The following SESTD1 variants were observed in gnomAD, a reference collection of about 807,000 sequenced individuals.
SESTD1 encodes the protein SEC14 domain and spectrin repeat-containing protein 1.
A neutral mutation model predicts 101.7 loss-of-function variants in SESTD1; 43 were observed. That is an observed-to-expected ratio of 0.42 (90% CI 0.33 to 0.55). SESTD1 has a LOEUF of 0.55. Among genes scored for constraint, SESTD1 ranks in the 20% least tolerant of loss-of-function variants. The pLI, the probability that SESTD1 is intolerant of heterozygous loss-of-function variation, is 0.07. For missense variants in SESTD1, 647 were observed against 815.1 expected, an observed-to-expected ratio of 0.79 and a Z score of 2.51; for synonymous variants, 283 against 286.8, an observed-to-expected ratio of 0.99 and a Z score of 0.13.
chr2:179,223,557 A>G (rs572499129), intron 1 of SESTD1, among the ~76,000 whole-genome samples: 1 of 152,284 alleles, frequency 6.6e-6, no homozygotes, highest in South Asian at 2.1e-4. Context: ...ACTAAAAAAA[A>G]AAAAGTAAGC....
Position 179,147,949 on chromosome 2 carries a change from A to G in SESTD1, c.581+1348T>C, listed in dbSNP as rs182455341. Among the ~76,000 whole-genome samples the G allele has an allele frequency of 3.3e-5, 5 of 152,352 alleles. No homozygotes were observed. In the East Asian group the frequency reaches 5.8e-4, roughly 18 times the overall value. Reference sequence around the variant, plus strand: ...ATTTTCACTTCCTAAACCACAGCATATATGTGTGTGATATCTACAGACACA... The same window carrying G: ...ATTTTCACTTCCTAAACCACAGCATGTATGTGTGTGATATCTACAGACACA... On this transcript the variant is annotated intron_variant, in intron 7 of 17. Transcript: ENST00000428443.
At chr2:179,167,009 T>A (rs1299264929) in intron 5 of SESTD1, among the ~76,000 whole-genome samples, 3 of 151,744 alleles carry the variant, frequency 2.0e-5, no homozygotes, top group Non-Finnish European at 2.9e-5. Flanking sequence ...CAATAAAAAA[T>A]AACAAGGCAC....
intron 1 of SESTD1, among the ~76,000 whole-genome samples, chr2:179,250,603 A>G (rs1344642757): frequency 1.3e-5 from 2 of 152,158 alleles, no homozygotes; most frequent in Non-Finnish European, 2.9e-5. Flanking sequence ...TTGTGTGCAC[A>G]TATCCCTGGT....
At position 179,191,762 on chromosome 2, in the gene SESTD1, T is replaced by C. The variant is rs965216818; in HGVS notation, c.55+25A>G. 9.4e-6 allele frequency: 15 copies of C among 1,599,878 alleles called. No individual in the cohort carries two copies. The African/African-American group carries it at 1.9e-4, about 20-fold the overall frequency. On this transcript the variant is annotated intron_variant, in intron 2 of 17. Coordinates refer to ENST00000428443, the MANE Select transcript of SESTD1 (RefSeq NM_178123.5). ...ATTAAAAAGTTTGTATATCAAACACTTCAAATTTTAAGAAGAAATCATACC... is the reference window on the plus strand; with the variant it reads ...ATTAAAAAGTTTGTATATCAAACACCTCAAATTTTAAGAAGAAATCATACC...
chr2:179,122,944 G>A (rs1338035510), intron 12 of SESTD1, among the ~76,000 whole-genome samples: 1 of 152,160 alleles, frequency 6.6e-6, no homozygotes, highest in Non-Finnish European at 1.5e-5. Flanking sequence ...GTCAGTACAA[G>A]TGTGATTTTT....
In SESTD1 at chr2:179,110,068, A is replaced by C. The variant is rs991974546; in HGVS notation, c.1962-40T>G. On this transcript the variant is annotated intron_variant, in intron 17 of 17. Transcript: ENST00000428443. ...ACACAGAAAAACCTCAGATTAATAC[A>C]AATCTATTAACTGCAGTGAATACAA... 11 of 1,604,120 alleles carry C rather than the reference A, an allele frequency of 6.9e-6. No individual in the cohort carries two copies. In the African/African-American group the frequency reaches 1.3e-4, roughly 20 times the overall value.
At chr2:179,111,865 A>G (rs891322424) in intron 17 of SESTD1, among the ~76,000 whole-genome samples, 3 of 151,606 alleles carry the variant, frequency 2.0e-5, no homozygotes, top group African/African-American at 7.3e-5. Flanking sequence ...GACTACAGGC[A>G]CCCGCCACCA....
intron 1 of SESTD1, among the ~76,000 whole-genome samples, chr2:179,220,029 C>CT (rs2046790592): frequency 6.6e-6 from 1 of 152,066 alleles, no homozygotes; most frequent in Non-Finnish European, 1.5e-5. Context: ...GCTAATCCAC[C>CT]TTAAGAGACA....
intron 1 of SESTD1, among the ~76,000 whole-genome samples, chr2:179,224,438 T>A (rs933335708): frequency 1.3e-5 from 2 of 152,190 alleles, no homozygotes; most frequent in African/African-American, 4.8e-5. Flanking sequence ...ATAAGAAATA[T>A]ACTCTGTATT....
At chr2:179,152,082 T>C (rs577161382) in intron 5 of SESTD1, among the ~76,000 whole-genome samples, 2 of 152,234 alleles carry the variant, frequency 1.3e-5, no homozygotes, top group East Asian at 1.9e-4. Flanking sequence ...AATACATCTA[T>C]GGAAGAAAGA....
chr2:179,114,455 T>TATC, intron 16 of SESTD1, among the ~76,000 whole-genome samples: 1 of 152,322 alleles, frequency 6.6e-6, no homozygotes, highest in Middle Eastern at 3.4e-3. Context: ...AAGGCTTGGG[T>TATC]AGAATAAATT....
rs1348894322 is a variant in SESTD1 at position 179,112,756 on chromosome 2, A to G, written c.1929T>C (p.Asp643=). The G allele has an allele frequency of 1.1e-5, 18 of 1,612,984 alleles. No individual in the cohort carries two copies. Among genetic ancestry groups the G allele is most frequent in the Non-Finnish European group, 1.5e-5 (18 of 1,179,982 alleles). The stretch of plus-strand genomic sequence containing the variant: ...GATAAACTACTGGAACAGTTAATCT[A>G]TCCAAAAGTGATTTCCCAACTGCTT... ...EIEAVGKSLL[D]RLTVPVVYPD... is the part of the protein sequence containing the mutation. The change falls in exon 17 of 18, where the codon GAT becomes GAC. Residue 643 remains aspartate, a synonymous_variant. Coordinates refer to ENST00000428443, the MANE Select transcript of SESTD1 (RefSeq NM_178123.5).
At chr2:179,117,075 G>A (rs371711832) in intron 14 of SESTD1, among the ~76,000 whole-genome samples, 9 of 152,076 alleles carry the variant, frequency 5.9e-5, no homozygotes, top group Admixed American at 2.0e-4. Flanking sequence ...AGATCCATCA[G>A]GATTGCATTA....
intron 1 of SESTD1, among the ~76,000 whole-genome samples, chr2:179,239,281 A>G (rs2105545362): frequency 6.6e-6 from 1 of 152,246 alleles, no homozygotes; most frequent in East Asian, 1.9e-4. Flanking sequence ...CTGTTATTTC[A>G]TATTGTCTAC....
At chr2:179,137,241 A>G (rs143560150) in intron 9 of SESTD1, among the ~76,000 whole-genome samples, 2 of 152,300 alleles carry the variant, frequency 1.3e-5, no homozygotes, top group African/African-American at 4.8e-5. Context: ...AAAAATATTT[A>G]CACTGGCCAA....
intron 12 of SESTD1, among the ~76,000 whole-genome samples, chr2:179,123,476 G>C (rs1281274725): frequency 6.6e-6 from 1 of 152,068 alleles, no homozygotes; most frequent in Admixed American, 6.6e-5. Flanking sequence ...AGATATAGCT[G>C]GGTAAACAGG....
chr2:179,115,582 T>TA (rs530531886), intron 15 of SESTD1, among the ~76,000 whole-genome samples: 48 of 151,866 alleles, frequency 3.2e-4, no homozygotes, highest in African/African-American at 1.1e-3. Flanking sequence ...ATCCTATCTC[T>TA]AAAAAAATGA....
rs2044390254 is a variant in SESTD1 at position 179,106,670 on chromosome 2, A to C, written c.*3229T>G. The C allele has an allele frequency of 6.6e-6, 1 of 152,198 alleles. No individual in the cohort carries two copies. The highest frequency in any genetic ancestry group is 2.4e-5 in the African/African-American group (1 of 41,464). 9.4% of individuals were successfully genotyped at this position (152,198 alleles called of 1,614,324 possible). ...CAATAGCCAATGTAAATTTGTATAA[A>C]GTGAGAAGTATTCAATCTTCTACCT... On this transcript the variant is annotated 3_prime_UTR_variant, in exon 18 of 18. Transcript: ENST00000428443.
chr2:179,174,965 G>C (rs553305034), intron 4 of SESTD1, among the ~76,000 whole-genome samples: 7 of 150,174 alleles, frequency 4.7e-5, no homozygotes, highest in African/African-American at 1.7e-4. Flanking sequence ...AAAAAGGTGG[G>C]ATGGGGGGAT....
Sources: allele counts gnomAD v4.1 joint callset (sites outside exome capture counted in the v4.1 genomes callset), GRCh38; gene constraint gnomAD v4.1.1; transcripts MANE v1.5; gene names NCBI Gene and HGNC (gene_info 2026-07-23, HGNC 2026-07-21).